Variants in UGGT1 observed in about 807,000 individuals in gnomAD.
UGGT1 encodes UDP-glucose:glycoprotein glucosyltransferase 1.
In UGGT1, 107 loss-of-function variants were observed where a neutral mutation model predicts 203.9. The observed-to-expected ratio is 0.52, with a 90% CI of 0.45 to 0.62. UGGT1 has a LOEUF of 0.62. Ranked by LOEUF, UGGT1 falls within the 20% of genes least tolerant of loss-of-function variation. The pLI is 0.00. For synonymous variants in UGGT1, 628 were observed against 653.5 expected, an observed-to-expected ratio of 0.96 and a Z score of 0.59; for missense variants, 1,673 against 1,867.2, an observed-to-expected ratio of 0.90 and a Z score of 1.92.
chr2:128,133,016 A>G (rs1257865981), intron 13 of UGGT1, 125 bp from the exon 14 acceptor site: 8 of 1,244,758 alleles, frequency 6.4e-6, no homozygotes, highest in Non-Finnish European at 9.0e-6. Context: ...CAATCTTTTT[A>G]TCTTTGAAAA....
At chr2:128,135,640 C>T (rs958119135) in intron 15 of UGGT1, among the ~76,000 whole-genome samples, 3 of 151,928 alleles carry the variant, frequency 2.0e-5, no homozygotes, top group Admixed American at 1.3e-4. Context: ...AACATGTATG[C>T]CTTATTCTAC....
chr2:128,102,345 T>C (rs1687415648), intron 2 of UGGT1, among the ~76,000 whole-genome samples: 1 of 152,122 alleles, frequency 6.6e-6, no homozygotes, highest in South Asian at 2.1e-4. Context: ...GGTTTCACCA[T>C]GTTGGCCAGG....
rs1692324168 is a variant in UGGT1 at position 128,192,678 on chromosome 2, G to GATAT, written c.*2937_*2940dup. 6.6e-6 allele frequency: 1 copy of GATAT among 152,202 alleles called. No homozygotes were observed. The allele number at this position is 152,202 out of a possible 1,614,324, so 9.4% of individuals were successfully genotyped here. ...CACAGCCTGCTGCTGGGGGTGTGGG[G>GATAT]ATATGCCAGAGTCCTGTGTTTGGTT... On this transcript the variant is annotated 3_prime_UTR_variant, in exon 41 of 41. Transcript: ENST00000259253.
intron 4 of UGGT1, among the ~76,000 whole-genome samples, chr2:128,109,050 C>T (rs1225001601): frequency 6.6e-6 from 1 of 152,030 alleles, no homozygotes; most frequent in Non-Finnish European, 1.5e-5. Context: ...TGCTACCACA[C>T]CCAGCTAATT....
At chr2:128,131,887 A>G (rs1002460506) in intron 13 of UGGT1, among the ~76,000 whole-genome samples, 2 of 152,212 alleles carry the variant, frequency 1.3e-5, no homozygotes, top group East Asian at 3.9e-4. Flanking sequence ...TTGGCCTCCC[A>G]AAGTGCTGGG....
chr2:128,168,741 C>T (rs191593784), intron 26 of UGGT1, among the ~76,000 whole-genome samples: 6 of 152,196 alleles, frequency 3.9e-5, no homozygotes, highest in African/African-American at 1.4e-4. Context: ...AGGAAGTTAC[C>T]ATTCAGTTAA....
chr2:128,168,794 C>A (rs1435476664), intron 26 of UGGT1, among the ~76,000 whole-genome samples: 1 of 152,116 alleles, frequency 6.6e-6, no homozygotes, highest in Non-Finnish European at 1.5e-5. Flanking sequence ...TGCCTGTAAT[C>A]CCAGTGCTTT....
At chr2:128,092,440 G>A (rs1201271289) in intron 1 of UGGT1, among the ~76,000 whole-genome samples, 3 of 151,544 alleles carry the variant, frequency 2.0e-5, no homozygotes, top group African/African-American at 7.3e-5. Flanking sequence ...ACTTTGTACA[G>A]TAGCATAGCA....
intron 4 of UGGT1, among the ~76,000 whole-genome samples, 163 bp downstream of exon 4, chr2:128,108,231 T>A (rs1466223386): frequency 6.6e-6 from 1 of 151,488 alleles, no homozygotes; most frequent in Non-Finnish European, 1.5e-5. Context: ...AAAATTGATG[T>A]TAAGTCTTCA....
At chr2:128,179,740 A>C in intron 34 of UGGT1, 46 bp from the exon 35 acceptor site, 1 of 1,518,374 alleles carries the variant, frequency 6.6e-7, no homozygotes, top group Non-Finnish European at 9.1e-7. Context: ...GTTGAGGTTA[A>C]ATAACATTGG....
At chr2:128,115,801 G>T (rs1417286263) in intron 7 of UGGT1, among the ~76,000 whole-genome samples, 1 of 151,910 alleles carries the variant, frequency 6.6e-6, no homozygotes, top group Non-Finnish European at 1.5e-5. Context: ...TTATTTTAAA[G>T]ATAAAAAATC....
At chr2:128,161,699 C>T (rs1472687328) in intron 25 of UGGT1, among the ~76,000 whole-genome samples, 1 of 152,114 alleles carries the variant, frequency 6.6e-6, no homozygotes, top group Admixed American at 6.5e-5. Flanking sequence ...AGTTGTTTCC[C>T]TTGTATCTTC....
rs80012809 is a variant in UGGT1, at chr2:128,154,776, G to C, written c.2138-713G>C. Among the ~76,000 whole-genome samples, 68 of 152,302 alleles carry C rather than the reference G, an allele frequency of 4.5e-4. 1 individual carries two copies. In the East Asian group the frequency reaches 0.013, roughly 29 times the overall value. ...GTAGGCAGGCAAGCTGTGTCTGACA[G>C]ACTGTGATGAGAAGACTGACATTTG... On this transcript the variant is annotated intron_variant, in intron 19 of 40. Coordinates refer to ENST00000259253, the MANE Select transcript of UGGT1 (RefSeq NM_020120.4).
chr2:128,123,482 C>T (rs554458538), intron 11 of UGGT1, among the ~76,000 whole-genome samples: 31 of 152,340 alleles, frequency 2.0e-4, no homozygotes, highest in African/African-American at 7.2e-4. Context: ...TAACATGTCT[C>T]ACCCCGTTCC....
chr2:128,182,690 T>G (rs577407269), intron 37 of UGGT1, among the ~76,000 whole-genome samples: 2 of 27,752 alleles, frequency 7.2e-5, no homozygotes, highest in East Asian at 1.6e-3. Flanking sequence ...CAGAGTGAGA[T>G]TCCATCTCAA....
chr2:128,135,142 A>G (rs1420928740), intron 15 of UGGT1, among the ~76,000 whole-genome samples, 181 bp downstream of exon 15: 1 of 152,258 alleles, frequency 6.6e-6, no homozygotes, highest in Non-Finnish European at 1.5e-5. Context: ...TTGCTTCTCA[A>G]TGAATAGAAG....
intron 14 of UGGT1, 38 bp downstream of exon 14, chr2:128,133,298 C>G: frequency 6.4e-7 from 1 of 1,554,834 alleles, no homozygotes; most frequent in South Asian, 1.1e-5. Context: ...AACTCTGTTT[C>G]TCCCTTGCCT....
At chr2:128,153,047 C>A in intron 19 of UGGT1, 143 bp downstream of exon 19, 1 of 1,138,090 alleles carries the variant, frequency 8.8e-7, no homozygotes, top group East Asian at 2.6e-5. Flanking sequence ...TATGTGTAAA[C>A]TCTTTGCACC....
chr2:128,105,537 CAG>C lies in UGGT1; in HGVS notation c.277+1526_277+1527del, dbSNP rs146634889. 1.7e-3 allele frequency among the ~76,000 whole-genome samples: 253 copies of C among 148,708 alleles called. 1 individual carries two copies. Among genetic ancestry groups the C allele is most frequent in the Admixed American group, 3.4e-3 (51 of 15,078 alleles). On this transcript the variant is annotated intron_variant, in intron 3 of 40. Transcript: ENST00000259253. Reference sequence around the variant, plus strand: ...TTTTATTTTATTTATTTTTTCGAGACAGAGTCTTACTCTGTTGCCCAGGCTGG... The same window carrying C: ...TTTTATTTTATTTATTTTTTCGAGACAGTCTTACTCTGTTGCCCAGGCTGG...
Sources: allele counts gnomAD v4.1 joint callset (sites outside exome capture counted in the v4.1 genomes callset), GRCh38; gene constraint gnomAD v4.1.1; transcripts MANE v1.5; gene names NCBI Gene and HGNC (gene_info 2026-07-23, HGNC 2026-07-21).